The following UBE4B variants were observed in gnomAD, a reference collection of about 807,000 sequenced individuals.
UBE4B encodes ubiquitin conjugation factor E4 B.
In UBE4B, 27 loss-of-function variants were observed where a neutral mutation model predicts 148.1. That is an observed-to-expected ratio of 0.18 (90% CI 0.13 to 0.25). The LOEUF is 0.25. Among genes scored for constraint, UBE4B ranks in the 10% least tolerant of loss-of-function variants. The probability of loss-of-function intolerance (pLI) is 1.00; values close to 1 mark genes in which losing one functional copy is unlikely to be tolerated. For synonymous variants in UBE4B, 596 were observed against 619.3 expected (o/e 0.96, Z 0.56); for missense variants, 1,170 against 1,662.4 (o/e 0.70, Z 5.15).
intron 21 of UBE4B, among the ~76,000 whole-genome samples, chr1:10,153,285 T>G (rs1475535690): frequency 6.6e-6 from 1 of 150,444 alleles, no homozygotes; most frequent in Non-Finnish European, 1.5e-5. Flanking sequence ...GTGGGAGGAT[T>G]GTTTGAGCCT....
chr1:10,100,671 C>G (rs1284215883), intron 3 of UBE4B, among the ~76,000 whole-genome samples: 2 of 152,222 alleles, frequency 1.3e-5, no homozygotes, highest in Non-Finnish European at 2.9e-5. Context: ...TCTGCTGCAT[C>G]AGCCTGCCGA....
At chr1:10,175,157 C>T (rs1204337137) in intron 25 of UBE4B, among the ~76,000 whole-genome samples, 3 of 152,050 alleles carry the variant, frequency 2.0e-5, no homozygotes, top group Non-Finnish European at 1.5e-5. Flanking sequence ...GGGCAGAGCT[C>T]CATGCCAGAG....
intron 1 of UBE4B, among the ~76,000 whole-genome samples, chr1:10,067,975 A>G (rs6693686): frequency 0.045 from 6,733 of 148,662 alleles, 208 homozygotes; most frequent in African/African-American, 0.087. Flanking sequence ...TGATCCGCCC[A>G]CCTCAGCCTC....
At chr1:10,135,412 T>C (rs2101953054) in intron 16 of UBE4B, among the ~76,000 whole-genome samples, 1 of 152,222 alleles carries the variant, frequency 6.6e-6, no homozygotes, top group African/African-American at 2.4e-5. Flanking sequence ...AAGACCAGCC[T>C]GACCACCGTG....
chr1:10,093,792 T>A (rs1352550455), intron 2 of UBE4B, among the ~76,000 whole-genome samples: 1 of 151,972 alleles, frequency 6.6e-6, no homozygotes, highest in African/African-American at 2.4e-5. Context: ...CCTCCCAAGT[T>A]AATGCGATTC....
intron 2 of UBE4B, among the ~76,000 whole-genome samples, chr1:10,094,212 G>A (rs2101871988): frequency 6.6e-6 from 1 of 152,256 alleles, no homozygotes; most frequent in African/African-American, 2.4e-5. Flanking sequence ...AGTGACTACA[G>A]TTTCACTGTA....
At chr1:10,167,784 G>T (rs1282703432) in intron 23 of UBE4B, among the ~76,000 whole-genome samples, 1 of 151,850 alleles carries the variant, frequency 6.6e-6, no homozygotes, top group Non-Finnish European at 1.5e-5. Context: ...GTAGCGACGG[G>T]GTTTCACCAT....
intron 1 of UBE4B, among the ~76,000 whole-genome samples, chr1:10,066,499 T>A (rs1412913252): frequency 6.6e-6 from 1 of 152,068 alleles, no homozygotes; most frequent in Non-Finnish European, 1.5e-5. Context: ...GTAAATGCAT[T>A]TTTTGGAGAA....
intron 14 of UBE4B, 53 bp from the exon 15 acceptor site, chr1:10,132,316 A>G (rs1645609727): frequency 1.4e-6 from 2 of 1,439,050 alleles, no homozygotes; most frequent in Non-Finnish European, 1.9e-6. Flanking sequence ...TCAAAAAGGA[A>G]TCATGTGCAA....
intron 21 of UBE4B, among the ~76,000 whole-genome samples, chr1:10,154,104 A>G (rs1464189665): frequency 6.6e-6 from 1 of 152,050 alleles, no homozygotes; most frequent in East Asian, 1.9e-4. Context: ...TTAGCTGGAC[A>G]TGGTGGCATG....
At chr1:10,080,334 C>G (rs975700416) in intron 2 of UBE4B, among the ~76,000 whole-genome samples, 7 of 151,422 alleles carry the variant, frequency 4.6e-5, no homozygotes, top group Non-Finnish European at 7.4e-5. Context: ...GCAGGAGAAT[C>G]GCTTGAACCC....
chr1:10,130,422 G>T (rs1231882228), intron 12 of UBE4B, 78 bp from the exon 13 acceptor site: 3 of 1,152,466 alleles, frequency 2.6e-6, no homozygotes, highest in Non-Finnish European at 3.9e-6. Context: ...AAATACAGAG[G>T]AGCTGGAGAG....
intron 2 of UBE4B, among the ~76,000 whole-genome samples, chr1:10,091,479 C>T (rs1644845678): frequency 6.6e-6 from 1 of 152,062 alleles, no homozygotes; most frequent in Non-Finnish European, 1.5e-5. Context: ...AAAGACCCAT[C>T]TGTTGCCCAT....
chr1:10,096,032 A>G (rs1489534161), intron 3 of UBE4B, among the ~76,000 whole-genome samples: 1 of 152,114 alleles, frequency 6.6e-6, no homozygotes, highest in Non-Finnish European at 1.5e-5. Context: ...TGGCCTCCCA[A>G]AGGACTGGGA....
chr1:10,178,126 T>C (rs1646453873), intron 25 of UBE4B, among the ~76,000 whole-genome samples: 1 of 152,082 alleles, frequency 6.6e-6, no homozygotes, highest in African/African-American at 2.4e-5. Context: ...CTAAATGAGC[T>C]TGAAGAAGCT....
intron 1 of UBE4B, among the ~76,000 whole-genome samples, chr1:10,058,120 T>C (rs1644211944): frequency 6.6e-6 from 1 of 152,230 alleles, no homozygotes; most frequent in Non-Finnish European, 1.5e-5. Flanking sequence ...GTGTTTGAGC[T>C]GTAGCGGAGT....
At chr1:10,034,338 G>T (rs990500303) in intron 1 of UBE4B, among the ~76,000 whole-genome samples, 5 of 152,100 alleles carry the variant, frequency 3.3e-5, no homozygotes, top group African/African-American at 9.7e-5. Flanking sequence ...TCAAACTTGT[G>T]TTTTGCTGTA....
intron 23 of UBE4B, among the ~76,000 whole-genome samples, chr1:10,167,836 A>C (rs6692491): frequency 5.3e-5 from 8 of 151,916 alleles, no homozygotes; most frequent in Non-Finnish European, 2.9e-5. Context: ...TGATTCGCCC[A>C]CCTTGGCTTC....
At position 10,033,395 on chromosome 1, in the gene UBE4B, AAGACAACCCTGT is replaced by A. The variant is rs1293733876; in HGVS notation, c.-273_-262del. ...AGCAGAGGGTAATAAGTGGCGCCTT[AAGACAACCCTGT>A]AGCAGCAGCAGTGGCGGCCAAAGGA... is the stretch of plus-strand genomic sequence containing the variant. On this transcript the variant is annotated 5_prime_UTR_variant, in exon 1 of 28. Coordinates refer to ENST00000343090, the MANE Select transcript of UBE4B (RefSeq NM_001105562.3). 1 of 350,392 alleles carries A rather than the reference AAGACAACCCTGT, an allele frequency of 2.9e-6. No homozygotes were observed. The highest frequency in any genetic ancestry group is 4.8e-5 in the Admixed American group (1 of 20,888). The allele number at this position is 350,392 out of a possible 1,614,324, so 21.7% of individuals were successfully genotyped here.
Sources: gnomAD v4.1 joint callset for allele counts (sites outside exome capture counted in the v4.1 genomes callset) on GRCh38, gnomAD v4.1.1 for gene constraint, MANE v1.5 for transcripts, NCBI Gene and HGNC (gene_info 2026-07-23, HGNC 2026-07-21) for gene names.